GATB: variants seen among roughly 807,000 people sequenced by gnomAD.
GATB encodes the protein glutamyl-tRNA amidotransferase subunit B.
In GATB, 39 loss-of-function variants were observed where a neutral mutation model predicts 62.3. That is an observed-to-expected ratio of 0.63 (90% CI 0.48 to 0.82). The LOEUF (loss-of-function observed/expected upper bound fraction) is 0.82. GATB is among the 40% of genes least tolerant of loss of function. The probability of loss-of-function intolerance (pLI) is 0.00; values close to 1 mark genes in which losing one functional copy is unlikely to be tolerated. For missense variants in GATB, 670 were observed against 684.0 expected (o/e 0.98, Z 0.23); for synonymous variants, 276 against 258.9 (o/e 1.07, Z -0.63).
chr4:151,704,012 C>A, intron 7 of GATB, 117 bp from the exon 8 acceptor site: 1 of 655,856 alleles, frequency 1.5e-6, no homozygotes, highest in South Asian at 2.0e-5. Context: ...CTGTGGACTT[C>A]CATGGGGAAA....
At chr4:151,697,887 G>A (rs1051875388) in intron 9 of GATB, among the ~76,000 whole-genome samples, 2 of 145,986 alleles carry the variant, frequency 1.4e-5, no homozygotes, top group Admixed American at 6.9e-5. Flanking sequence ...GCCACAAAGC[G>A]AGACTCCGTC....
chr4:151,734,385 C>G (rs1212464623), intron 2 of GATB, among the ~76,000 whole-genome samples: 1 of 149,582 alleles, frequency 6.7e-6, no homozygotes, highest in Non-Finnish European at 1.5e-5. Flanking sequence ...ATACACCTAA[C>G]AAAAGAGTTG....
intron 8 of GATB, 74 bp downstream of exon 8, chr4:151,703,777 T>A (rs566948437): frequency 6.7e-6 from 7 of 1,037,824 alleles, no homozygotes; most frequent in Middle Eastern, 2.0e-4. Context: ...GATCATTATG[T>A]TGAACTTTAA....
chr4:151,700,576 G>A (rs1333323502), intron 9 of GATB, among the ~76,000 whole-genome samples: 1 of 152,194 alleles, frequency 6.6e-6, no homozygotes, highest in Non-Finnish European at 1.5e-5. Flanking sequence ...AGATCCTGCT[G>A]CCCCAAAAGA....
intron 1 of GATB, among the ~76,000 whole-genome samples, chr4:151,759,791 C>CATAT (rs111549700): frequency 4.0e-5 from 6 of 150,162 alleles, no homozygotes; most frequent in East Asian, 1.9e-4. Flanking sequence ...TGTGTATATA[C>CATAT]ATATATATAT....
In GATB at chr4:151,739,109, T is replaced by C. The variant is rs145648395; in HGVS notation, c.328-19571A>G. Among the ~76,000 whole-genome samples, 723 of 152,368 alleles carry C rather than the reference T, an allele frequency of 4.7e-3. 3 individuals are homozygous for C. Among genetic ancestry groups the C allele is most frequent in the African/African-American group, 0.016 (679 of 41,590 alleles). ...TGCAAAGCATGACAAAGACCCTTGA[T>C]TGATTACGCTTCTTGCTTCTATAAT... On this transcript the variant is annotated intron_variant, in intron 2 of 12. Coordinates refer to ENST00000263985, the MANE Select transcript of GATB (RefSeq NM_004564.3).
intron 2 of GATB, among the ~76,000 whole-genome samples, chr4:151,731,237 G>A (rs1446696834): frequency 6.6e-6 from 1 of 152,094 alleles, no homozygotes; most frequent in Non-Finnish European, 1.5e-5. Context: ...GCCTCAGCCT[G>A]CCGAGTGCCT....
At chr4:151,694,019 T>G (rs1738419990) in intron 9 of GATB, among the ~76,000 whole-genome samples, 1 of 152,106 alleles carries the variant, frequency 6.6e-6, no homozygotes, top group Non-Finnish European at 1.5e-5. Flanking sequence ...ACACAGGCAG[T>G]GTGTTGTCAA....
intron 6 of GATB, among the ~76,000 whole-genome samples, chr4:151,706,905 A>G (rs1738726497): frequency 6.6e-6 from 1 of 152,218 alleles, no homozygotes; most frequent in Admixed American, 6.5e-5. Flanking sequence ...TCGGTTTTAA[A>G]AAATCTTTTT....
intron 2 of GATB, among the ~76,000 whole-genome samples, chr4:151,734,827 G>A (rs1004967572): frequency 1.1e-4 from 16 of 151,996 alleles, no homozygotes; most frequent in Admixed American, 6.5e-4. Flanking sequence ...AACATAAAGC[G>A]GGGAAAGGAC....
intron 10 of GATB, among the ~76,000 whole-genome samples, chr4:151,688,079 G>C (rs1738287726): frequency 6.6e-6 from 1 of 152,108 alleles, no homozygotes; most frequent in Non-Finnish European, 1.5e-5. Flanking sequence ...CCTGCCTCCG[G>C]CCCCTGCAGC....
intron 2 of GATB, among the ~76,000 whole-genome samples, chr4:151,739,100 G>C (rs1181947622): frequency 6.6e-6 from 1 of 152,236 alleles, no homozygotes; most frequent in African/African-American, 2.4e-5. Context: ...GCATGACAAA[G>C]ACCCTTGATT....
chr4:151,743,200 A>T (rs144797463), intron 2 of GATB, among the ~76,000 whole-genome samples: 4 of 152,254 alleles, frequency 2.6e-5, no homozygotes, highest in Admixed American at 6.5e-5. Context: ...ATCAACATAC[A>T]GCTAAGAGCT....
chr4:151,726,062 G>A (rs1193858712), intron 2 of GATB, among the ~76,000 whole-genome samples: 1 of 152,158 alleles, frequency 6.6e-6, no homozygotes, highest in Non-Finnish European at 1.5e-5. Context: ...AAGCCCACAT[G>A]GCAATTACTC....
At chr4:151,734,587 A>G (rs1739332490) in intron 2 of GATB, among the ~76,000 whole-genome samples, 3 of 152,196 alleles carry the variant, frequency 2.0e-5, no homozygotes, top group Admixed American at 1.3e-4. Context: ...CAGAGTTAGA[A>G]AAATTCATAT....
chr4:151,755,229 TTAAG>T lies in GATB; in HGVS notation c.327+3539_327+3542del, dbSNP rs925022882. On this transcript the variant is annotated intron_variant, in intron 2 of 12. Transcript: ENST00000263985. The stretch of plus-strand genomic sequence containing the variant: ...TTATAAGAAACTGATGCAAAGAAGA[TTAAG>T]TAATCTACATGAAAATTCTATTCAT... Among the ~76,000 whole-genome samples the T allele has an allele frequency of 8.9e-4, 135 of 152,306 alleles. 1 individual carries two copies. The highest frequency in any genetic ancestry group is 3.4e-4 in the Non-Finnish European group (23 of 68,016).
intron 9 of GATB, among the ~76,000 whole-genome samples, chr4:151,690,476 A>C (rs1738342091): frequency 6.6e-6 from 1 of 152,258 alleles, no homozygotes. Context: ...ACAATAGTAC[A>C]CAAATCACTG....
At chr4:151,728,155 G>A (rs1293972169) in intron 2 of GATB, among the ~76,000 whole-genome samples, 1 of 152,094 alleles carries the variant, frequency 6.6e-6, no homozygotes, top group African/African-American at 2.4e-5. Flanking sequence ...AAAATTTCCT[G>A]GATAACCTTG....
At chr4:151,691,369 T>C (rs1167430062) in intron 9 of GATB, among the ~76,000 whole-genome samples, 1 of 152,212 alleles carries the variant, frequency 6.6e-6, no homozygotes, top group East Asian at 1.9e-4. Context: ...GTCCTGTCTT[T>C]TGTATAATAC....
Sources: allele counts gnomAD v4.1 joint callset (sites outside exome capture counted in the v4.1 genomes callset), GRCh38; gene constraint gnomAD v4.1.1; transcripts MANE v1.5; gene names NCBI Gene and HGNC (gene_info 2026-07-23, HGNC 2026-07-21).